ATG10: variants seen among roughly 807,000 people sequenced by gnomAD.
ATG10 encodes ubiquitin-like-conjugating enzyme ATG10.
ATG10 carries 30 observed loss-of-function variants against 32.1 expected under a neutral mutation model. The ratio of observed to expected loss-of-function variants is 0.94; its 90% CI spans 0.70 to 1.27. The LOEUF is 1.27. Ranked by LOEUF, ATG10 falls within the 50% of genes most tolerant of loss-of-function variation. The probability of loss-of-function intolerance (pLI) is 0.00; values close to 1 mark genes in which losing one functional copy is unlikely to be tolerated. For synonymous variants in ATG10, 87 were observed against 91.5 expected, an observed-to-expected ratio of 0.95 and a Z score of 0.28; for missense variants, 233 against 262.3, an observed-to-expected ratio of 0.89 and a Z score of 0.77.
chr5:82,142,508 AAGGATGCTAAG>A (rs1767192489), intron 3 of ATG10, among the ~76,000 whole-genome samples: 1 of 152,194 alleles, frequency 6.6e-6, no homozygotes, highest in South Asian at 2.1e-4. Flanking sequence ...AATGACAACA[AAGGATGCTAAG>A]AGGGGACAGG....
At chr5:82,179,712 C>T (rs879747765) in intron 5 of ATG10, among the ~76,000 whole-genome samples, 49 of 152,130 alleles carry the variant, frequency 3.2e-4, no homozygotes, top group Middle Eastern at 3.4e-3. Context: ...ATTATTTTTT[C>T]CAAGCTTCTG....
intron 2 of ATG10, among the ~76,000 whole-genome samples, chr5:82,049,554 A>G (rs1341120344): frequency 6.6e-6 from 1 of 151,922 alleles, no homozygotes; most frequent in Non-Finnish European, 1.5e-5. Context: ...GTATAATAAT[A>G]ATAAATAAAA....
chr5:82,201,989 A>G (rs530482126), intron 5 of ATG10, among the ~76,000 whole-genome samples: 18 of 152,302 alleles, frequency 1.2e-4, no homozygotes, highest in African/African-American at 3.6e-4. Context: ...ATAGGTTCTG[A>G]GACCTTGCTA....
chr5:82,074,362 T>G (rs1764212966), intron 3 of ATG10, among the ~76,000 whole-genome samples: 1 of 152,184 alleles, frequency 6.6e-6, no homozygotes. Flanking sequence ...TTTTTATATT[T>G]TTATAAAACC....
intron 3 of ATG10, among the ~76,000 whole-genome samples, chr5:82,089,875 A>G (rs1265328759): frequency 6.6e-6 from 1 of 152,118 alleles, no homozygotes; most frequent in Non-Finnish European, 1.5e-5. Flanking sequence ...CTGAGAGTAT[A>G]TAAAGAACTC....
chr5:82,163,695 A>C (rs188367747), intron 3 of ATG10, among the ~76,000 whole-genome samples: 110 of 152,294 alleles, frequency 7.2e-4, no homozygotes, highest in Non-Finnish European at 1.4e-3. Flanking sequence ...TAAAAGCCCC[A>C]CACACAAAAA....
At chr5:82,080,420 G>A (rs1166589418) in intron 3 of ATG10, among the ~76,000 whole-genome samples, 1 of 152,166 alleles carries the variant, frequency 6.6e-6, no homozygotes, top group African/African-American at 2.4e-5. Context: ...TGGTGTTTTA[G>A]ACATGAAGTC....
At chr5:81,985,784 A>G (rs1761246526) in intron 1 of ATG10, among the ~76,000 whole-genome samples, 1 of 152,144 alleles carries the variant, frequency 6.6e-6, no homozygotes, top group South Asian at 2.1e-4. Flanking sequence ...TTTTTCTGAG[A>G]CGGAGTGTCG....
chr5:82,158,033 A>G (rs1340846433), intron 3 of ATG10, among the ~76,000 whole-genome samples: 1 of 152,202 alleles, frequency 6.6e-6, no homozygotes, highest in Non-Finnish European at 1.5e-5. Flanking sequence ...TCCAAGGCCC[A>G]ATACACTATT....
intron 2 of ATG10, chr5:82,009,748 T>A: frequency 6.2e-7 from 1 of 1,603,906 alleles, no homozygotes; most frequent in Non-Finnish European, 8.5e-7. Context: ...GTCTTGGCAG[T>A]GCAGATGAAA....
chr5:82,132,029 G>A (rs1766559837), intron 3 of ATG10, among the ~76,000 whole-genome samples: 1 of 152,060 alleles, frequency 6.6e-6, no homozygotes, highest in African/African-American at 2.4e-5. Context: ...ACACTATTGT[G>A]AGGAGAGCAC....
rs572025578 is a variant in ATG10 at position 82,033,867 on chromosome 5, A to G, written c.109-24628A>G. Among the ~76,000 whole-genome samples the G allele has an allele frequency of 1.0e-3, 158 of 150,682 alleles. 2 individuals carry two copies. The highest frequency in any genetic ancestry group is 2.5e-3 in the East Asian group (13 of 5,140). ...ATACATAGGTATAGATGTACTATAT[A>G]TGTGTATCTATAAACATATTTATAG... On this transcript the variant is annotated intron_variant, in intron 2 of 7. Transcript: ENST00000282185.
chr5:82,079,508 C>G (rs985479788), intron 3 of ATG10, among the ~76,000 whole-genome samples: 2 of 151,910 alleles, frequency 1.3e-5, no homozygotes, highest in Admixed American at 6.6e-5. Context: ...TAGTGCTATC[C>G]CTCCCCAATC....
At chr5:82,042,338 G>A (rs1043370559) in intron 2 of ATG10, among the ~76,000 whole-genome samples, 2 of 152,112 alleles carry the variant, frequency 1.3e-5, no homozygotes, top group Admixed American at 6.5e-5. Flanking sequence ...CACAAGAAAA[G>A]CAATGGAGAG....
intron 5 of ATG10, among the ~76,000 whole-genome samples, chr5:82,231,982 T>G (rs537059515): frequency 6.6e-6 from 1 of 152,340 alleles, no homozygotes; most frequent in Middle Eastern, 3.4e-3. Flanking sequence ...TAAAAAGTAA[T>G]GATAGGTAAT....
chr5:82,076,768 C>T (rs1764285535), intron 3 of ATG10, among the ~76,000 whole-genome samples: 2 of 152,124 alleles, frequency 1.3e-5, no homozygotes, highest in South Asian at 4.1e-4. Flanking sequence ...TGGACTCCCT[C>T]AATTGTATAG....
At chr5:82,150,284 T>C (rs551472328) in intron 3 of ATG10, among the ~76,000 whole-genome samples, 88 of 151,992 alleles carry the variant, frequency 5.8e-4, no homozygotes, top group African/African-American at 2.1e-3. Flanking sequence ...GGCTAATGAT[T>C]CCAAAGAGGT....
At chr5:82,158,839 T>A (rs964493083) in intron 3 of ATG10, among the ~76,000 whole-genome samples, 1 of 152,154 alleles carries the variant, frequency 6.6e-6, no homozygotes, top group Admixed American at 6.5e-5. Context: ...CAAAGAGCAG[T>A]GGTTTCAGTG....
intron 3 of ATG10, chr5:82,073,604 T>G (rs958885343): frequency 1.3e-5 from 2 of 152,088 alleles, no homozygotes; most frequent in African/African-American, 2.4e-5. Flanking sequence ...AGTTGGGAGG[T>G]TGGGAACTGG....
Sources: gnomAD v4.1 joint callset for allele counts (sites outside exome capture counted in the v4.1 genomes callset) on GRCh38, gnomAD v4.1.1 for gene constraint, MANE v1.5 for transcripts, NCBI Gene and HGNC (gene_info 2026-07-23, HGNC 2026-07-21) for gene names.